Variants in DGCR2 observed in about 807,000 individuals in gnomAD.
DGCR2 encodes the protein DiGeorge syndrome critical region gene 2.
Under a neutral mutation model 51.6 loss-of-function variants are expected in DGCR2, and 24 were observed. That is an observed-to-expected ratio of 0.47 (90% CI 0.34 to 0.65). DGCR2 has a LOEUF of 0.65. Ranked by LOEUF, DGCR2 falls within the 30% of genes least tolerant of loss-of-function variation. DGCR2 has a pLI of 0.01. For missense variants in DGCR2, 765 were observed against 772.1 expected, an observed-to-expected ratio of 0.99 and a Z score of 0.11; for synonymous variants, 340 against 315.4, an observed-to-expected ratio of 1.08 and a Z score of -0.82.
rs537800422 is a variant in DGCR2, at chr22:19,060,694, C to G, written c.625+2508G>C. 287 of 293,026 alleles carry G rather than the reference C, an allele frequency of 9.8e-4. 2 individuals are homozygous for G. Among genetic ancestry groups the G allele is most frequent in the South Asian group, 1.4e-3 (49 of 34,780 alleles). The allele number at this position is 293,026 out of a possible 1,614,324, so 18.2% of individuals were successfully genotyped here. A position where few individuals can be genotyped will look rare whatever the true frequency, so the allele number is the denominator to read the frequency against. On this transcript the variant is annotated intron_variant, in intron 5 of 9. Coordinates refer to ENST00000263196, the MANE Select transcript of DGCR2 (RefSeq NM_005137.3). ...TTTCTGCACAAATGTTACAGAAATC[C>G]TGGCCTCATGTCTTCTGGCAGCAGC...
intron 1 of DGCR2, among the ~76,000 whole-genome samples, chr22:19,102,031 G>C (rs538939937): frequency 6.6e-6 from 1 of 152,268 alleles, no homozygotes; most frequent in African/African-American, 2.4e-5. Context: ...CTCCAGCCTG[G>C]GTGAAAGAGT....
intron 5 of DGCR2, chr22:19,061,630 T>C (rs989795513): frequency 7.9e-5 from 12 of 152,246 alleles, no homozygotes; most frequent in African/African-American, 2.7e-4. Flanking sequence ...GAACCACTCA[T>C]GATGCTGAGC....
intron 4 of DGCR2, among the ~76,000 whole-genome samples, chr22:19,064,480 AC>A (rs1203142882): frequency 6.6e-6 from 1 of 151,734 alleles, no homozygotes; most frequent in Non-Finnish European, 1.5e-5. Context: ...TACACTGCAC[AC>A]CCCTTGCACA....
intron 6 of DGCR2, 112 bp downstream of exon 6, chr22:19,056,874 C>G (rs1313001640): frequency 8.2e-7 from 1 of 1,218,830 alleles, no homozygotes; most frequent in Non-Finnish European, 1.1e-6. Context: ...TAAGGGGCGT[C>G]CACCGCAACA....
At chr22:19,061,836 G>T (rs1223798388) in intron 5 of DGCR2, 1 of 152,148 alleles carries the variant, frequency 6.6e-6, no homozygotes, top group Non-Finnish European at 1.5e-5. Context: ...CACAAATAGG[G>T]AGCTCTATGC....
At chr22:19,050,690 A>G (rs2082539231) in intron 6 of DGCR2, among the ~76,000 whole-genome samples, 1 of 152,262 alleles carries the variant, frequency 6.6e-6, no homozygotes, top group Non-Finnish European at 1.5e-5. Flanking sequence ...TAGATTTGCC[A>G]AGAATGGCAC....
At chr22:19,040,837 T>G (rs1483994396) in intron 9 of DGCR2, among the ~76,000 whole-genome samples, 6 of 152,132 alleles carry the variant, frequency 3.9e-5, no homozygotes, top group African/African-American at 1.4e-4. Flanking sequence ...GTCCCAGGCC[T>G]TCTCAGAGCT....
chr22:19,063,571 G>A (rs915094244), intron 4 of DGCR2, among the ~76,000 whole-genome samples: 19 of 149,142 alleles, frequency 1.3e-4, no homozygotes, highest in African/African-American at 1.2e-4. Flanking sequence ...GGATGGTCTC[G>A]ATCTCCTGAC....
intron 1 of DGCR2, among the ~76,000 whole-genome samples, chr22:19,115,124 C>T (rs1364506633): frequency 6.6e-6 from 1 of 152,208 alleles, no homozygotes; most frequent in African/African-American, 2.4e-5. Context: ...CCATGCAGCC[C>T]ATGCACCCAG....
chr22:19,043,397 C>G (rs2082454525), intron 7 of DGCR2, among the ~76,000 whole-genome samples: 1 of 152,004 alleles, frequency 6.6e-6, no homozygotes, highest in Non-Finnish European at 1.5e-5. Context: ...CATGGGGAGG[C>G]AGAGATGACA....
chr22:19,093,843 A>C (rs1040686420), intron 1 of DGCR2, among the ~76,000 whole-genome samples: 9 of 152,090 alleles, frequency 5.9e-5, no homozygotes, highest in Non-Finnish European at 7.4e-5. Flanking sequence ...CATTACAAAA[A>C]AAAAACAAAA....
At chr22:19,059,424 T>C (rs2082636905) in intron 5 of DGCR2, among the ~76,000 whole-genome samples, 2 of 151,824 alleles carry the variant, frequency 1.3e-5, no homozygotes, top group South Asian at 2.1e-4. Context: ...CTCCTGCAGA[T>C]TTTCCTCCAG....
At position 19,070,509 on chromosome 22, in the gene DGCR2, C is replaced by T. The variant is rs963840391; in HGVS notation, c.203-2284G>A. 2.6e-5 allele frequency among the ~76,000 whole-genome samples: 4 copies of T among 152,176 alleles called. No homozygotes were observed. In the South Asian group the frequency reaches 8.3e-4, roughly 32 times the overall value. On this transcript the variant is annotated intron_variant, in intron 2 of 9. Transcript: ENST00000263196. ...CCTGGTAAAATTGCTCACAGAAAGA[C>T]AAGATGAACTGAGGGCAGAGGAAAG...
chr22:19,064,614 C>G (rs1418360522), intron 4 of DGCR2, among the ~76,000 whole-genome samples: 2 of 152,220 alleles, frequency 1.3e-5, no homozygotes, highest in African/African-American at 4.8e-5. Flanking sequence ...GGCTGCCCCA[C>G]AGTCCCACAA....
chr22:19,075,209 C>G (rs942481777), intron 2 of DGCR2, among the ~76,000 whole-genome samples: 3 of 150,454 alleles, frequency 2.0e-5, no homozygotes, highest in Non-Finnish European at 4.4e-5. Context: ...AGGCAGATCA[C>G]AAGGTCAGGA....
At position 19,037,396 on chromosome 22, in the gene DGCR2, A is replaced by G. The variant is rs1051574981; in HGVS notation, c.*1469T>C. ...GAATGTGTCAAGAAGTGGACTGTGCATGGAGTCCATCCCCGAGCAGCACCA... is the reference window on the plus strand; with the variant it reads ...GAATGTGTCAAGAAGTGGACTGTGCGTGGAGTCCATCCCCGAGCAGCACCA... On this transcript the variant is annotated 3_prime_UTR_variant, in exon 10 of 10. Coordinates refer to ENST00000263196, the MANE Select transcript of DGCR2 (RefSeq NM_005137.3). 1.3e-5 allele frequency: 2 copies of G among 152,270 alleles called. No homozygotes were observed. The highest frequency in any genetic ancestry group is 2.9e-5 in the Non-Finnish European group (2 of 68,054). The allele number at this position is 152,270 out of a possible 1,614,324, so 9.4% of individuals were successfully genotyped here.
intron 1 of DGCR2, among the ~76,000 whole-genome samples, chr22:19,090,469 G>A (rs1055043035): frequency 2.0e-5 from 3 of 152,186 alleles, no homozygotes; most frequent in African/African-American, 7.2e-5. Context: ...CTAGATGACA[G>A]CAGATTTCTC....
At chr22:19,091,024 T>TA (rs58190532) in intron 1 of DGCR2, among the ~76,000 whole-genome samples, 152,150 of 152,154 alleles carry the variant, frequency 1, 76,073 homozygotes, top group Non-Finnish European at 1. Context: ...AATAAAAGAA[T>TA]AAAAAAGATA....
chr22:19,082,222 C>CTTTTTTTTTTTTT (rs56725898), intron 2 of DGCR2, among the ~76,000 whole-genome samples: 1 of 88,066 alleles, frequency 1.1e-5, no homozygotes, highest in Non-Finnish European at 2.1e-5. Flanking sequence ...CTAATTATTT[C>CTTTTTTTTTTTTT]TTTTTTTTTT....
Sources: gnomAD v4.1 joint callset for allele counts (sites outside exome capture counted in the v4.1 genomes callset) on GRCh38, gnomAD v4.1.1 for gene constraint, MANE v1.5 for transcripts, NCBI Gene and HGNC (gene_info 2026-07-23, HGNC 2026-07-21) for gene names.